The following SCNN1G variants were observed in gnomAD, a reference collection of about 807,000 sequenced individuals.
SCNN1G encodes the protein sodium channel epithelial 1 subunit gamma.
SCNN1G carries 27 observed loss-of-function variants against 64.6 expected under a neutral mutation model. That is an observed-to-expected ratio of 0.42 (90% CI 0.31 to 0.58). The LOEUF is 0.58. Among genes scored for constraint, SCNN1G ranks in the 20% least tolerant of loss-of-function variants. The pLI is 0.18. For synonymous variants in SCNN1G, 330 were observed against 314.2 expected, an observed-to-expected ratio of 1.05 and a Z score of -0.53; for missense variants, 743 against 823.4, an observed-to-expected ratio of 0.90 and a Z score of 1.19.
intron 6 of SCNN1G, among the ~76,000 whole-genome samples, chr16:23,202,483 G>T (rs925568086): frequency 6.6e-6 from 1 of 152,196 alleles, no homozygotes; most frequent in Admixed American, 6.5e-5. Context: ...AAATAGTCAA[G>T]AAGAGCCAGT....
intron 4 of SCNN1G, among the ~76,000 whole-genome samples, chr16:23,193,238 G>A (rs1488784432): frequency 6.6e-6 from 1 of 152,142 alleles, no homozygotes; most frequent in Non-Finnish European, 1.5e-5. Flanking sequence ...GGAAGAGATG[G>A]AGGGAGGGAT....
chr16:23,202,967 G>A (rs1002130930), intron 6 of SCNN1G, among the ~76,000 whole-genome samples: 2 of 152,188 alleles, frequency 1.3e-5, no homozygotes, highest in African/African-American at 4.8e-5. Context: ...AGAAAACCTT[G>A]GGGGGTAATT....
At chr16:23,205,278 G>A (rs1009247422) in intron 6 of SCNN1G, among the ~76,000 whole-genome samples, 4 of 152,032 alleles carry the variant, frequency 2.6e-5, no homozygotes, top group South Asian at 2.1e-4. Flanking sequence ...AATACGGTCC[G>A]TTGAGAAAAA....
chr16:23,186,218 G>A lies in SCNN1G; in HGVS notation c.-44-10G>A, dbSNP rs1380033657. On this transcript the variant is annotated splice_polypyrimidine_tract_variant and intron_variant, in intron 1 of 12. Coordinates refer to ENST00000300061, the MANE Select transcript of SCNN1G (RefSeq NM_001039.4). Reference sequence around the variant, plus strand: ...GCCAGCTCACCTGCTTCTCTTCTTTGCCCCTCCAGCACGCCCGTCCTCAGA... The same window carrying A: ...GCCAGCTCACCTGCTTCTCTTCTTTACCCCTCCAGCACGCCCGTCCTCAGA... 6.4e-7 allele frequency: 1 copy of A among 1,574,228 alleles called. No individual in the cohort carries two copies. The highest frequency in any genetic ancestry group is 8.7e-7 in the Non-Finnish European group (1 of 1,144,402).
intron 6 of SCNN1G, among the ~76,000 whole-genome samples, chr16:23,208,628 CT>C (rs1386721888): frequency 2.0e-5 from 3 of 148,562 alleles, no homozygotes; most frequent in Non-Finnish European, 4.5e-5. Flanking sequence ...CTCCCCTTCC[CT>C]TCCCGCCCTT....
chr16:23,202,044 T>C (rs1959898219), intron 6 of SCNN1G, among the ~76,000 whole-genome samples: 1 of 152,160 alleles, frequency 6.6e-6, no homozygotes, highest in African/African-American at 2.4e-5. Context: ...CTCAAACCCC[T>C]GGCCTCAAAC....
chr16:23,203,553 G>A (rs1228539131), intron 6 of SCNN1G, among the ~76,000 whole-genome samples: 4 of 151,694 alleles, frequency 2.6e-5, no homozygotes, highest in Admixed American at 2.6e-4. Context: ...GGCAGATCAC[G>A]AGGTCAGGAG....
At position 23,213,125 on chromosome 16, in the gene SCNN1G, T is replaced by C. The variant is rs1270059843; in HGVS notation, c.1455T>C (p.Thr485=). 3 of 1,613,516 alleles carry C rather than the reference T, an allele frequency of 1.9e-6. No individual in the cohort carries two copies. Among genetic ancestry groups the C allele is most frequent in the African/African-American group, 2.7e-5 (2 of 74,688 alleles). The change falls in exon 11 of 13, where the codon ACT becomes ACC. Residue 485 remains threonine, a synonymous_variant. Transcript: ENST00000300061. ...AGAAGTGGTTGCTGCCTGTTCTCAC[T>C]TGGGACCAAGGCCGGCAAGTAAACA... ...VSEKWLLPVL[T]WDQGRQVNKK... is the part of the protein sequence containing the mutation.
intron 12 of SCNN1G, 44 bp from the exon 13 acceptor site, chr16:23,215,045 G>C (rs747013624): frequency 1.6e-5 from 25 of 1,611,858 alleles, no homozygotes; most frequent in Non-Finnish European, 2.0e-5. Flanking sequence ...AGGCCAACTT[G>C]GGGGGAGGTT....
At chr16:23,210,317 C>T (rs923931263) in intron 7 of SCNN1G, among the ~76,000 whole-genome samples, 2 of 152,206 alleles carry the variant, frequency 1.3e-5, no homozygotes, top group Admixed American at 1.3e-4. Flanking sequence ...CCTGGTTTTT[C>T]AAGAGCCTGG....
At position 23,203,327 on chromosome 16, in the gene SCNN1G, G is replaced by A. The variant is rs116173961; in HGVS notation, c.1077+5900G>A. 3.6e-4 allele frequency among the ~76,000 whole-genome samples: 55 copies of A among 152,228 alleles called. 1 individual carries two copies. In the South Asian group the frequency reaches 9.6e-3, roughly 26 times the overall value. On this transcript the variant is annotated intron_variant, in intron 6 of 12. Coordinates refer to ENST00000300061, the MANE Select transcript of SCNN1G (RefSeq NM_001039.4). ...GTGAATGGAAAATGAAGAAGTGGAC[G>A]TGGGTGGACCACTCACCCAGTGGGG... is the stretch of plus-strand genomic sequence containing the variant.
At chr16:23,193,459 A>C (rs1395941651) in intron 4 of SCNN1G, among the ~76,000 whole-genome samples, 1 of 152,104 alleles carries the variant, frequency 6.6e-6, no homozygotes. Context: ...CAGCCTGGGC[A>C]ATGTGGCAAA....
At position 23,189,530 on chromosome 16, in the gene SCNN1G, G is replaced by T; in HGVS notation, c.477G>T (p.Pro159=). The part of the protein sequence containing the change: ...GKQPRFSHRI[P]LLIFDQDEKG... ...AGCCTAGATTCTCCCACCGGATTCC[G>T]CTGCTGATCTTTGATCAGGATGAGA... The change falls in exon 3 of 13, where the codon CCG becomes CCT. Residue 159 remains proline, a synonymous_variant. Coordinates refer to ENST00000300061, the MANE Select transcript of SCNN1G (RefSeq NM_001039.4). The T allele has an allele frequency of 6.2e-7, 1 of 1,614,250 alleles. No homozygotes were observed. The highest frequency in any genetic ancestry group is 8.5e-7 in the Non-Finnish European group (1 of 1,180,044).
chr16:23,214,695 C>A lies in SCNN1G; in HGVS notation c.1494-17C>A. On this transcript the variant is annotated splice_polypyrimidine_tract_variant and intron_variant, in intron 11 of 12. Coordinates refer to ENST00000300061, the MANE Select transcript of SCNN1G (RefSeq NM_001039.4). ...TAGGATGCCAAGGCTCTTGATTCAC[C>A]TGTTGGAATTTTGCAGGACAGACTT... is the stretch of plus-strand genomic sequence containing the variant. 3 of 1,604,022 alleles carry A rather than the reference C, an allele frequency of 1.9e-6. No individual in the cohort carries two copies. Among genetic ancestry groups the A allele is most frequent in the Non-Finnish European group, 2.6e-6 (3 of 1,170,820 alleles).
At chr16:23,194,107 C>A in intron 4 of SCNN1G, 64 bp from the exon 5 acceptor site, 1 of 1,121,046 alleles carries the variant, frequency 8.9e-7, no homozygotes, top group Non-Finnish European at 1.4e-6. Flanking sequence ...TAGCACTGCC[C>A]TGCCCAACTT....
At chr16:23,196,891 G>A (rs750065029) in intron 5 of SCNN1G, among the ~76,000 whole-genome samples, 1 of 152,210 alleles carries the variant, frequency 6.6e-6, no homozygotes, top group Non-Finnish European at 1.5e-5. Context: ...ACCCTGAGGG[G>A]TTAAGCAGCC....
chr16:23,192,275 T>C, intron 3 of SCNN1G, 77 bp from the exon 4 acceptor site: 1 of 1,174,090 alleles, frequency 8.5e-7, no homozygotes, highest in Non-Finnish European at 1.3e-6. Context: ...GGAGTCTCAG[T>C]CACTCATTCT....
chr16:23,216,492 G>A lies in SCNN1G; in HGVS notation c.*1023G>A, dbSNP rs1960160762. 1 of 152,160 alleles carries A rather than the reference G, an allele frequency of 6.6e-6. No individual in the cohort carries two copies. Among genetic ancestry groups the A allele is most frequent in the Admixed American group, 6.5e-5 (1 of 15,282 alleles). 9.4% of individuals were successfully genotyped at this position (152,160 alleles called of 1,614,324 possible). A position where few individuals can be genotyped will look rare whatever the true frequency, so the allele number is the denominator to read the frequency against. On this transcript the variant is annotated 3_prime_UTR_variant, in exon 13 of 13. Coordinates refer to ENST00000300061, the MANE Select transcript of SCNN1G (RefSeq NM_001039.4). ...AATGGCTAACAGGTATTAAATCCTT[G>A]GTTGGTGTTTAAAGCCAACCCAAGA...
intron 2 of SCNN1G, among the ~76,000 whole-genome samples, chr16:23,189,115 G>A (rs1010474858): frequency 6.6e-6 from 1 of 152,172 alleles, no homozygotes; most frequent in East Asian, 1.9e-4. Context: ...CACACCCTGA[G>A]GGCAAGCAGA....
Sources: gnomAD v4.1 joint callset for allele counts (sites outside exome capture counted in the v4.1 genomes callset) on GRCh38, gnomAD v4.1.1 for gene constraint, MANE v1.5 for transcripts, NCBI Gene and HGNC (gene_info 2026-07-23, HGNC 2026-07-21) for gene names.